Variants in RERE observed in about 807,000 individuals in gnomAD.
The protein encoded by RERE is arginine-glutamic acid dipeptide repeats, also known as arginine-glutamic acid dipeptide repeats protein.
A neutral mutation model predicts 146.1 loss-of-function variants in RERE; 40 were observed. The ratio of observed to expected loss-of-function variants is 0.27; its 90% CI spans 0.21 to 0.36. RERE has a LOEUF of 0.36. Ranked by LOEUF, RERE falls within the 10% of genes least tolerant of loss-of-function variation. RERE has a pLI of 1.00. For synonymous variants in RERE, 1,003 were observed against 866.0 expected (o/e 1.16, Z -2.78); for missense variants, 1,933 against 2,138.7 (o/e 0.90, Z 1.90).
chr1:8,684,773 G>T (rs892415495), intron 1 of RERE, among the ~76,000 whole-genome samples: 3 of 152,168 alleles, frequency 2.0e-5, no homozygotes, highest in African/African-American at 4.8e-5. Context: ...CAATAAACAG[G>T]AAACACTAAT....
At chr1:8,369,931 A>G (rs1641971262) in intron 12 of RERE, among the ~76,000 whole-genome samples, 1 of 152,062 alleles carries the variant, frequency 6.6e-6, no homozygotes, top group Non-Finnish European at 1.5e-5. Flanking sequence ...CTGGGACTAC[A>G]GGAGCCCGCC....
At chr1:8,655,485 C>T (rs1392207801) in intron 2 of RERE, among the ~76,000 whole-genome samples, 4 of 152,180 alleles carry the variant, frequency 2.6e-5, no homozygotes, top group Non-Finnish European at 5.9e-5. Context: ...GAATTGCAGG[C>T]GTGAGCCACC....
At chr1:8,669,024 CTGTGTGTGTGTGTGTGTGTGTGTGTG>C (rs59647434) in intron 1 of RERE, among the ~76,000 whole-genome samples, 4 of 43,812 alleles carry the variant, frequency 9.1e-5, no homozygotes, top group South Asian at 8.0e-4. Flanking sequence ...GCACTCAACT[CTGTGTGTGTGTGTGTGTGTGTGTGTG>C]TGTGTGTGTG....
chr1:8,601,950 T>C (rs988620211), intron 4 of RERE, among the ~76,000 whole-genome samples: 3 of 151,046 alleles, frequency 2.0e-5, no homozygotes, highest in African/African-American at 7.3e-5. Context: ...TCACTGTCTG[T>C]AGGCTGCAAC....
In RERE at chr1:8,361,449, C is replaced by T. The variant is rs1641578941; in HGVS notation, c.2058G>A (p.Glu686=). The T allele has an allele frequency of 6.2e-7, 1 of 1,613,468 alleles. No homozygotes were observed. Among genetic ancestry groups the T allele is most frequent in the Non-Finnish European group, 8.5e-7 (1 of 1,179,954 alleles). ...RPNSPSEGEG[E]SSDSRSVNDE... ...CGTTGACGCTGCGACTGTCTGAACTCTCTCCCTCACCTTCAGATGGCGAGT... is the reference window on the plus strand; with the variant it reads ...CGTTGACGCTGCGACTGTCTGAACTTTCTCCCTCACCTTCAGATGGCGAGT... Residue 686 remains glutamate, a synonymous_variant, in exon 18 of 23, where the codon GAG becomes GAA. Transcript: ENST00000400908.
At chr1:8,500,220 C>T (rs556125653) in intron 8 of RERE, among the ~76,000 whole-genome samples, 110 of 152,264 alleles carry the variant, frequency 7.2e-4, no homozygotes, top group African/African-American at 2.3e-3. Flanking sequence ...TCCCCAGCAC[C>T]GAGTACAGTA....
rs116384080 is a variant in RERE, at chr1:8,426,844, A to G, written c.1204-4037T>C. Among the ~76,000 whole-genome samples, 785 of 152,054 alleles carry G rather than the reference A, an allele frequency of 5.2e-3. 3 individuals are homozygous for G. The highest frequency in any genetic ancestry group is 0.031 in the Middle Eastern group (9 of 294). On this transcript the variant is annotated intron_variant, in intron 11 of 22. Transcript: ENST00000400908. ...TAAGGCATCTCCACGTTCACCTCAA[A>G]ATCTCTCCTACTCCCAAATGAAACC...
At chr1:8,663,865 C>A (rs970506003) in intron 1 of RERE, among the ~76,000 whole-genome samples, 7 of 152,148 alleles carry the variant, frequency 4.6e-5, no homozygotes, top group South Asian at 2.1e-4. Flanking sequence ...TAGAACCCAA[C>A]TGCTGGGAAT....
chr1:8,628,428 T>C (rs1570534966), intron 2 of RERE, among the ~76,000 whole-genome samples: 1 of 152,212 alleles, frequency 6.6e-6, no homozygotes, highest in Non-Finnish European at 1.5e-5. Flanking sequence ...TTGACCTGAT[T>C]TGTCTAATTC....
intron 10 of RERE, among the ~76,000 whole-genome samples, chr1:8,492,321 G>T: frequency 6.6e-6 from 1 of 152,060 alleles, no homozygotes; most frequent in East Asian, 1.9e-4. Flanking sequence ...AAGAGAGTTT[G>T]GAATAAAAAG....
intron 11 of RERE, chr1:8,424,715 T>TC (rs1643983838): frequency 6.6e-6 from 1 of 152,224 alleles, no homozygotes; most frequent in Admixed American, 6.5e-5. Context: ...AACAAACCAG[T>TC]CCTAGGGCCT....
intron 12 of RERE, among the ~76,000 whole-genome samples, chr1:8,386,259 T>A (rs745401018): frequency 6.6e-6 from 1 of 151,136 alleles, no homozygotes; most frequent in Non-Finnish European, 1.5e-5. Flanking sequence ...ATAAAAAAAT[T>A]AAAAAATTAC....
chr1:8,529,287 CTTTTTT>C (rs34547801), intron 7 of RERE, among the ~76,000 whole-genome samples: 7 of 102,440 alleles, frequency 6.8e-5, no homozygotes, highest in Admixed American at 1.1e-4. Context: ...GTTCTCCCTT[CTTTTTT>C]TTTTTTTTTT....
chr1:8,447,515 CCTTT>C (rs1337267781), intron 11 of RERE, among the ~76,000 whole-genome samples: 2 of 152,072 alleles, frequency 1.3e-5, no homozygotes, highest in Non-Finnish European at 2.9e-5. Context: ...TGATGGTATT[CCTTT>C]CTGTTTATTA....
intron 7 of RERE, among the ~76,000 whole-genome samples, chr1:8,529,287 CTTTTTTTTTT>C (rs34547801): frequency 9.8e-6 from 1 of 102,446 alleles, no homozygotes; most frequent in Non-Finnish European, 1.9e-5. Flanking sequence ...GTTCTCCCTT[CTTTTTTTTTT>C]TTTTTTTTTT....
At chr1:8,638,783 ATTTT>A (rs34276909) in intron 2 of RERE, among the ~76,000 whole-genome samples, 33,102 of 100,242 alleles carry the variant, frequency 0.33, 4,163 homozygotes, top group African/African-American at 0.41. Flanking sequence ...ACGAAAAAAA[ATTTT>A]TTTTTTTTTT....
At position 8,364,326 on chromosome 1, in the gene RERE, GC is replaced by G; in HGVS notation, c.1541-72del. 7.2e-7 allele frequency: 1 copy of G among 1,396,324 alleles called. No individual in the cohort carries two copies. Among genetic ancestry groups the G allele is most frequent in the South Asian group, 1.2e-5 (1 of 85,900 alleles). 86.5% of individuals were successfully genotyped at this position (1,396,324 alleles called of 1,614,324 possible). ...TCCCTGGGGATGTCTGGGCAGAGGGGCCCTTCTGTGGGCTCTACCCAAACCT... is the reference window on the plus strand; with the variant it reads ...TCCCTGGGGATGTCTGGGCAGAGGGGCCTTCTGTGGGCTCTACCCAAACCT... On this transcript the variant is annotated intron_variant, in intron 14 of 22. Coordinates refer to ENST00000400908, the MANE Select transcript of RERE (RefSeq NM_001042681.2). This position sits in a 1 kb window ranked among gnomAD's most constrained non-coding sequence, Gnocchi z 5.1.
rs532194747 is a variant in RERE at position 8,663,016 on chromosome 1, A to C, written c.-144-6575T>G. Among the ~76,000 whole-genome samples the C allele has an allele frequency of 2.6e-5, 4 of 152,386 alleles. No individual in the cohort carries two copies. The East Asian group carries it at 5.8e-4, about 22-fold the overall frequency. ...TATGTATTTATTTCAGTCATGATTT[A>C]CATCTACTATGGTAGATAATAAGCT... On this transcript the variant is annotated intron_variant, in intron 1 of 22. Transcript: ENST00000400908.
chr1:8,555,508 C>T (rs76860969), intron 6 of RERE, among the ~76,000 whole-genome samples: 2,216 of 152,218 alleles, frequency 0.015, 48 homozygotes, highest in African/African-American at 0.05. Flanking sequence ...TCCTGAATAC[C>T]ATCTGAGCAT....
Sources: gnomAD v4.1 joint callset for allele counts (sites outside exome capture counted in the v4.1 genomes callset) on GRCh38, gnomAD v4.1.1 for gene constraint, Gnocchi (gnomAD v3.1) non-coding constraint, MANE v1.5 for transcripts, NCBI Gene and HGNC (gene_info 2026-07-23, HGNC 2026-07-21) for gene names.